Variants in LRIG1 observed in about 807,000 individuals in gnomAD.
LRIG1 encodes the protein leucine rich repeats and immunoglobulin like domains 1, also known as leucine-rich repeats and immunoglobulin-like domains protein 1.
In LRIG1, 48 loss-of-function variants were observed where a neutral mutation model predicts 99.2. The observed-to-expected ratio is 0.48, with a 90% CI of 0.38 to 0.62. The LOEUF (loss-of-function observed/expected upper bound fraction) is 0.62, where lower values mean the gene tolerates loss of function less well. Among genes scored for constraint, LRIG1 ranks in the 20% least tolerant of loss-of-function variants. The probability of loss-of-function intolerance (pLI) is 0.00; values close to 1 mark genes in which losing one functional copy is unlikely to be tolerated. For synonymous variants in LRIG1, 772 were observed against 596.1 expected (o/e 1.29, Z -4.30); for missense variants, 1,646 against 1,434.4 (o/e 1.15, Z -2.38).
At chr3:66,478,739 C>T (rs576172154) in intron 1 of LRIG1, among the ~76,000 whole-genome samples, 2 of 152,108 alleles carry the variant, frequency 1.3e-5, no homozygotes, top group Admixed American at 1.3e-4. Context: ...TACGGGTCAG[C>T]TTTTTTTTCC....
intron 3 of LRIG1, among the ~76,000 whole-genome samples, chr3:66,446,910 G>A (rs550556627): frequency 1.6e-4 from 22 of 139,664 alleles, no homozygotes; most frequent in Middle Eastern, 7.1e-3. Flanking sequence ...TGAGGGATAT[G>A]AGAAGTGACT....
intron 2 of LRIG1, among the ~76,000 whole-genome samples, chr3:66,457,505 A>G (rs559552393): frequency 6.6e-6 from 1 of 152,170 alleles, no homozygotes; most frequent in Non-Finnish European, 1.5e-5. Flanking sequence ...TAAACAATGC[A>G]CCCAGCTTGG....
intron 1 of LRIG1, among the ~76,000 whole-genome samples, chr3:66,487,492 A>G (rs1701001451): frequency 6.6e-6 from 1 of 152,212 alleles, no homozygotes. Flanking sequence ...GCTCCAAGAC[A>G]AAGTGGTAAG....
chr3:66,389,304 G>A (rs1701523981), intron 12 of LRIG1, among the ~76,000 whole-genome samples: 2 of 151,848 alleles, frequency 1.3e-5, no homozygotes, highest in Non-Finnish European at 2.9e-5. Flanking sequence ...AGTCAGTATT[G>A]GAAAAACAAT....
intron 1 of LRIG1, among the ~76,000 whole-genome samples, chr3:66,478,051 T>C (rs1700763114): frequency 6.6e-6 from 1 of 152,080 alleles, no homozygotes; most frequent in Non-Finnish European, 1.5e-5. Flanking sequence ...TCTACATAAG[T>C]CTTATGAAAG....
chr3:66,472,680 G>C (rs1294686368), intron 1 of LRIG1, among the ~76,000 whole-genome samples: 3 of 152,140 alleles, frequency 2.0e-5, no homozygotes, highest in Non-Finnish European at 4.4e-5. Flanking sequence ...ATTTCACTGG[G>C]ATAAAGTGAT....
chr3:66,424,698 A>G (rs990478835), intron 3 of LRIG1, among the ~76,000 whole-genome samples: 1 of 152,194 alleles, frequency 6.6e-6, no homozygotes, highest in African/African-American at 2.4e-5. Context: ...GGTAGGTACT[A>G]TTATCTTTAT....
At chr3:66,449,640 A>G (rs751610311) in intron 3 of LRIG1, among the ~76,000 whole-genome samples, 19 of 152,206 alleles carry the variant, frequency 1.2e-4, no homozygotes, top group Non-Finnish European at 2.5e-4. Flanking sequence ...TGTGGTTCAG[A>G]GTCACCTGCC....
At chr3:66,475,156 G>C (rs542387659) in intron 1 of LRIG1, among the ~76,000 whole-genome samples, 2 of 152,086 alleles carry the variant, frequency 1.3e-5, no homozygotes, top group Admixed American at 6.5e-5. Flanking sequence ...GCTATATAAC[G>C]AACACACAAT....
intron 3 of LRIG1, among the ~76,000 whole-genome samples, chr3:66,419,497 G>C (rs966894003): frequency 2.6e-5 from 4 of 152,186 alleles, no homozygotes; most frequent in African/African-American, 4.8e-5. Flanking sequence ...TGTGAGAGGA[G>C]CAAGGGAGTG....
rs1236816936 is a variant in LRIG1 at position 66,405,846 on chromosome 3, A to G, written c.1080-568T>C. 48 of 1,116,100 alleles carry G rather than the reference A, an allele frequency of 4.3e-5. 1 individual carries two copies. The highest frequency in any genetic ancestry group is 2.5e-4 in the Middle Eastern group (1 of 3,964). The allele number at this position is 1,116,100 out of a possible 1,614,324, so 69.1% of individuals were successfully genotyped here. On this transcript the variant is annotated intron_variant, in intron 8 of 18. Transcript: ENST00000273261. ...GGAGGACATCTGGGTGCTGAGTCAG[A>G]CTTGTGACCCACTCGCCAGGATCAG...
chr3:66,450,607 T>G (rs1195954457), intron 3 of LRIG1, among the ~76,000 whole-genome samples: 2 of 152,212 alleles, frequency 1.3e-5, no homozygotes, highest in African/African-American at 2.4e-5. Context: ...ATCCGAGATC[T>G]GTAAGCTATG....
intron 18 of LRIG1, 42 bp downstream of exon 18, chr3:66,380,535 A>C: frequency 6.2e-7 from 1 of 1,613,762 alleles, no homozygotes; most frequent in Non-Finnish European, 8.5e-7. Flanking sequence ...TGACCGTTTA[A>C]GCAGCTCCCA....
rs546839792 is a variant in LRIG1 at position 66,488,901 on chromosome 3, C to T, written c.218+11289G>A. ...ACTGAAGGACTGCCTGAGAAAGATG[C>T]TGCCTGCAGTGGCCCTGAGAAAGGA... On this transcript the variant is annotated intron_variant, in intron 1 of 18. Transcript: ENST00000273261. 7.9e-5 allele frequency among the ~76,000 whole-genome samples: 12 copies of T among 152,310 alleles called. No homozygotes were observed. The East Asian group carries it at 1.7e-3, about 22-fold the overall frequency.
At chr3:66,463,368 G>T (rs978117494) in intron 1 of LRIG1, among the ~76,000 whole-genome samples, 1 of 152,170 alleles carries the variant, frequency 6.6e-6, no homozygotes, top group African/African-American at 2.4e-5. Context: ...ATTCTTGTTC[G>T]TGTTAACCAC....
chr3:66,491,462 AC>A (rs1701100262), intron 1 of LRIG1, among the ~76,000 whole-genome samples: 1 of 152,102 alleles, frequency 6.6e-6, no homozygotes, highest in African/African-American at 2.4e-5. Context: ...AACACCTCCT[AC>A]AAAAGAAAAA....
intron 1 of LRIG1, among the ~76,000 whole-genome samples, chr3:66,467,971 A>G (rs1016646390): frequency 2.6e-5 from 4 of 152,190 alleles, no homozygotes; most frequent in African/African-American, 9.7e-5. Flanking sequence ...GAGCACACAA[A>G]AAGTTCTGAA....
At chr3:66,389,383 G>T (rs1218722503) in intron 12 of LRIG1, among the ~76,000 whole-genome samples, 1 of 151,968 alleles carries the variant, frequency 6.6e-6, no homozygotes, top group Non-Finnish European at 1.5e-5. Flanking sequence ...ATGCATTAAA[G>T]GAAAATGAAT....
intron 1 of LRIG1, among the ~76,000 whole-genome samples, chr3:66,476,656 G>A (rs1473683399): frequency 5.3e-5 from 8 of 152,198 alleles, no homozygotes; most frequent in Non-Finnish European, 2.9e-5. Context: ...AGAAAAAGAT[G>A]GCTGTCTCTC....
Sources: gnomAD v4.1 joint callset for allele counts (sites outside exome capture counted in the v4.1 genomes callset) on GRCh38, gnomAD v4.1.1 for gene constraint, MANE v1.5 for transcripts, NCBI Gene and HGNC (gene_info 2026-07-23, HGNC 2026-07-21) for gene names.